The following C4orf51 variants were observed in gnomAD, a reference collection of about 807,000 sequenced individuals.
The protein encoded by C4orf51 is uncharacterized protein C4orf51.
In C4orf51, 25 loss-of-function variants were observed where a neutral mutation model predicts 25.2. The ratio of observed to expected loss-of-function variants is 0.99; its 90% CI spans 0.72 to 1.39. The LOEUF (loss-of-function observed/expected upper bound fraction) is 1.39, where lower values mean the gene tolerates loss of function less well. C4orf51 is among the 40% of genes most tolerant of loss of function. The pLI is 0.00. For synonymous variants in C4orf51, 100 were observed against 84.5 expected, an observed-to-expected ratio of 1.18 and a Z score of -1.01; for missense variants, 252 against 239.6, an observed-to-expected ratio of 1.05 and a Z score of -0.34.
chr4:145,744,500 A>G (rs1043644975), intron 1 of C4orf51, among the ~76,000 whole-genome samples: 7 of 152,174 alleles, frequency 4.6e-5, no homozygotes, highest in Non-Finnish European at 7.3e-5. Flanking sequence ...TATTGCTGCT[A>G]CTATGTCTAT....
downstream of C4orf51, among the ~76,000 whole-genome samples, chr4:145,772,834 C>T (rs1452513634): frequency 1.3e-5 from 2 of 152,194 alleles, no homozygotes; most frequent in African/African-American, 2.4e-5. Flanking sequence ...GACAATGAGC[C>T]CTGAATCCTG....
intron 2 of C4orf51, among the ~76,000 whole-genome samples, chr4:145,710,375 G>A (rs1731064427): frequency 6.6e-6 from 1 of 152,126 alleles, no homozygotes; most frequent in South Asian, 2.1e-4. Flanking sequence ...TTTGACTTGG[G>A]GTTTTATATG....
downstream of C4orf51, among the ~76,000 whole-genome samples, chr4:145,734,073 G>A (rs1399680667): frequency 1.3e-5 from 2 of 152,226 alleles, no homozygotes; most frequent in Non-Finnish European, 2.9e-5. Flanking sequence ...CAGCTTTACA[G>A]ATAGGTTGCA....
chr4:145,769,172 C>T (rs1170164636), intron 1 of C4orf51, among the ~76,000 whole-genome samples: 3 of 151,814 alleles, frequency 2.0e-5, no homozygotes, highest in Non-Finnish European at 1.5e-5. Flanking sequence ...AAAAATCTTG[C>T]TCCTATTAGA....
chr4:145,723,030 A>G (rs1449136967), intron 2 of C4orf51, among the ~76,000 whole-genome samples: 1 of 152,170 alleles, frequency 6.6e-6, no homozygotes, highest in African/African-American at 2.4e-5. Flanking sequence ...TTTATTATCT[A>G]TTTCAATGTA....
At chr4:145,731,394 GA>G (rs1443739703) in intron 5 of C4orf51, among the ~76,000 whole-genome samples, 1 of 151,772 alleles carries the variant, frequency 6.6e-6, no homozygotes, top group East Asian at 1.9e-4. Context: ...ACAAATAAAT[GA>G]CATTAATCCT....
chr4:145,744,537 C>G (rs1338970685), intron 1 of C4orf51, among the ~76,000 whole-genome samples: 2 of 152,120 alleles, frequency 1.3e-5, no homozygotes, highest in East Asian at 1.9e-4. Flanking sequence ...GAGATGGGAC[C>G]TTGGCTGGGC....
At chr4:145,697,932 T>G (rs1196305908) in intron 2 of C4orf51, among the ~76,000 whole-genome samples, 1 of 152,236 alleles carries the variant, frequency 6.6e-6, no homozygotes, top group Non-Finnish European at 1.5e-5. Flanking sequence ...AACCTCCCAA[T>G]TAACATTCCC....
At chr4:145,748,458 G>T (rs1733497327) in intron 1 of C4orf51, among the ~76,000 whole-genome samples, 1 of 151,756 alleles carries the variant, frequency 6.6e-6, no homozygotes, top group Non-Finnish European at 1.5e-5. Context: ...TGCTTTTGTA[G>T]TTCTTTAATA....
chr4:145,706,808 A>ATTTT (rs34336553), intron 2 of C4orf51, among the ~76,000 whole-genome samples: 1 of 118,692 alleles, frequency 8.4e-6, no homozygotes, highest in Non-Finnish European at 1.7e-5. Context: ...TGCCCGGCTA[A>ATTTT]TTTTTTTTTT....
rs771481333 is a variant in C4orf51, at chr4:145,761,499, C to T, written n.167-9489C>T. On this transcript the variant is annotated intron_variant and non_coding_transcript_variant, in intron 1 of 1. Transcript: ENST00000510096. The surrounding 1 kb of genome is among the most constrained non-coding windows in gnomAD (Gnocchi z 6.8). The stretch of plus-strand genomic sequence containing the variant: ...CCAGCTCCAGCTGGTTGGCCTTCAC[C>T]GTCTGGCAGATCCGGCACTTGTACT... 1 of 1,289,810 alleles carries T rather than the reference C, an allele frequency of 7.8e-7. No individual in the cohort carries two copies. The highest frequency in any genetic ancestry group is 1.2e-5 in the South Asian group (1 of 81,026). The allele number at this position is 1,289,810 out of a possible 1,614,324, so 79.9% of individuals were successfully genotyped here. A position where few individuals can be genotyped will look rare whatever the true frequency, so the allele number is the denominator to read the frequency against.
chr4:145,709,228 G>C (rs1731001760), intron 2 of C4orf51, among the ~76,000 whole-genome samples: 2 of 152,184 alleles, frequency 1.3e-5, no homozygotes, highest in Non-Finnish European at 2.9e-5. Context: ...TCAAAAAAAA[G>C]CAAGTATGTG....
intron 2 of C4orf51, among the ~76,000 whole-genome samples, chr4:145,720,124 C>G (rs149034806): frequency 2.1e-3 from 322 of 152,214 alleles, no homozygotes; most frequent in South Asian, 0.017. Context: ...TTAGGGCATG[C>G]CTGAATAGAG....
intron 2 of C4orf51, among the ~76,000 whole-genome samples, chr4:145,703,686 T>C (rs1730612278): frequency 6.6e-6 from 1 of 152,252 alleles, no homozygotes; most frequent in East Asian, 1.9e-4. Flanking sequence ...CCAAGACCAA[T>C]GTCAGAAAGC....
At chr4:145,758,185 A>G (rs969619528), downstream of C4orf51, 1 of 152,244 alleles carries the variant, frequency 6.6e-6, no homozygotes, top group African/African-American at 2.4e-5. Context: ...ATAATTTACC[A>G]GAAAGATTGA....
intron 1 of C4orf51, among the ~76,000 whole-genome samples, chr4:145,743,452 A>T (rs1040561396): frequency 6.6e-6 from 1 of 152,168 alleles, no homozygotes; most frequent in Non-Finnish European, 1.5e-5. Context: ...TGCTCCTGAG[A>T]TAACAAAGCC....
Position 145,761,239 on chromosome 4 carries a change from G to A in C4orf51, n.167-9749G>A. The A allele has an allele frequency of 7.8e-7, 1 of 1,289,872 alleles. No individual in the cohort carries two copies. The highest frequency in any genetic ancestry group is 1.0e-6 in the Non-Finnish European group (1 of 988,876). 79.9% of individuals were successfully genotyped at this position (1,289,872 alleles called of 1,614,324 possible). On this transcript the variant is annotated intron_variant and non_coding_transcript_variant, in intron 1 of 1. Transcript: ENST00000510096. The surrounding 1 kb of genome is among the most constrained non-coding windows in gnomAD (Gnocchi z 6.8). The stretch of plus-strand genomic sequence containing the variant: ...GCGGCTGAAGACGAAAGGGTGTGTG[G>A]TCTTGAACAGGCACTCTTCGCAGCT...
intron 1 of C4orf51, among the ~76,000 whole-genome samples, chr4:145,752,571 G>A (rs1268251087): frequency 6.6e-6 from 1 of 152,160 alleles, no homozygotes; most frequent in East Asian, 1.9e-4. Context: ...CAAATGGAAG[G>A]AAGTGGTCCA....
intron 1 of C4orf51, among the ~76,000 whole-genome samples, chr4:145,744,966 C>T (rs1733292594): frequency 6.6e-6 from 1 of 152,052 alleles, no homozygotes; most frequent in African/African-American, 2.4e-5. Flanking sequence ...AGGAGGTATT[C>T]ATTCTGATTA....
Sources: allele counts gnomAD v4.1 joint callset (sites outside exome capture counted in the v4.1 genomes callset), GRCh38; gene constraint gnomAD v4.1.1; non-coding constraint Gnocchi (gnomAD v3.1); transcripts MANE v1.5; gene names NCBI Gene and HGNC (gene_info 2026-07-23, HGNC 2026-07-21).